Variants in LLGL1 observed in about 807,000 individuals in gnomAD.
LLGL1 encodes LLGL scribble cell polarity complex component 1.
Under a neutral mutation model 110.6 loss-of-function variants are expected in LLGL1, and 58 were observed. That is an observed-to-expected ratio of 0.52 (90% CI 0.42 to 0.65). The LOEUF is 0.65. Among genes scored for constraint, LLGL1 ranks in the 30% least tolerant of loss-of-function variants. The pLI is 0.00. For synonymous variants in LLGL1, 674 were observed against 607.2 expected (o/e 1.11, Z -1.62); for missense variants, 1,229 against 1,462.1 (o/e 0.84, Z 2.60).
chr17:18,237,669 T>C lies in LLGL1; in HGVS notation c.1800T>C (p.Ala600=), dbSNP rs2047726534. The part of the protein sequence containing the change: ...RVLVQCLPPA[A]VTAVTLHTEW... Reference sequence around the variant, plus strand: ...TGGTGCAGTGCCTGCCGCCAGCTGCTGTAACCGCTGTCACACTCCACACCG... The same window carrying C: ...TGGTGCAGTGCCTGCCGCCAGCTGCCGTAACCGCTGTCACACTCCACACCG... Residue 600 remains alanine (A), a synonymous_variant, in exon 14 of 23, where the codon GCT becomes GCC. Transcript: ENST00000316843. The C allele has an allele frequency of 2.5e-6, 4 of 1,612,544 alleles. No individual in the cohort carries two copies. Among genetic ancestry groups the C allele is most frequent in the Non-Finnish European group, 3.4e-6 (4 of 1,179,976 alleles).
Position 18,235,324 on chromosome 17 carries a change from G to A in LLGL1, c.1284+12G>A, listed in dbSNP as rs371458883. On this transcript the variant is annotated intron_variant, in intron 10 of 22. Transcript: ENST00000316843. ...TCTCCAGTGCCTTGGTGTGTGCGGC[G>A]ATCAGGGGGGTCTTACAGGGTGGAG... The A allele has an allele frequency of 1.8e-4, 290 of 1,609,134 alleles. No individual in the cohort carries two copies. The highest frequency in any genetic ancestry group is 2.3e-4 in the Non-Finnish European group (277 of 1,179,004).
In LLGL1 at chr17:18,242,823, G is replaced by T; in HGVS notation, c.*1+1G>T. 2 of 1,549,528 alleles carry T rather than the reference G, an allele frequency of 1.3e-6. No individual in the cohort carries two copies. Among genetic ancestry groups the T allele is most frequent in the South Asian group, 1.2e-5 (1 of 83,676 alleles). On this transcript the variant is annotated splice_donor_variant, in intron 22 of 22. Coordinates refer to ENST00000316843, the MANE Select transcript of LLGL1 (RefSeq NM_004140.4). LOFTEE classifies it low-confidence loss of function (3UTR_SPLICE). The stretch of plus-strand genomic sequence containing the variant: ...GCCTGTGCCATCCTGATCAAATGAG[G>T]TGCTGCAGGGGTGGGGCCCTGGTCC...
At chr17:18,234,580 G>A (rs1439166409) in intron 7 of LLGL1, 69 bp from the exon 8 acceptor site, 34 of 1,600,572 alleles carry the variant, frequency 2.1e-5, no homozygotes, top group Non-Finnish European at 2.9e-5. Flanking sequence ...GCAGTGGAGG[G>A]CAGAGCAGGA....
rs190942091 is a variant in LLGL1 at position 18,234,860 on chromosome 17, C to T, written c.927C>T (p.Ser309=). ...CESGGHFIIF[S]GGMPRASYGD... ...ATAGGGGCCACTTTATCATCTTCAGCGGTGGCATGCCCCGTGCCAGCTATG... is the reference window on the plus strand; with the variant it reads ...ATAGGGGCCACTTTATCATCTTCAGTGGTGGCATGCCCCGTGCCAGCTATG... Residue 309 remains serine, a synonymous_variant, in exon 9 of 23, where the codon AGC becomes AGT. Coordinates refer to ENST00000316843, the MANE Select transcript of LLGL1 (RefSeq NM_004140.4). 7.9e-5 allele frequency: 127 copies of T among 1,614,040 alleles called. 1 individual carries two copies. In the Admixed American group the frequency reaches 1.9e-3, roughly 24 times the overall value.
Position 18,240,585 on chromosome 17 carries a change from C to A in LLGL1, c.2214C>A (p.His738Gln), listed in dbSNP as rs745844805. Residue 738 changes from histidine (H) to glutamine (Q), a missense_variant, in exon 17 of 23, where the codon CAC (histidine) becomes CAA (glutamine). By Grantham distance (24) the His-to-Gln change is conservative. Coordinates refer to ENST00000316843, the MANE Select transcript of LLGL1 (RefSeq NM_004140.4). This position sits in a 1 kb window ranked among gnomAD's most constrained non-coding sequence, Gnocchi z 5.3. ...FADTFLRDGA[H>Q]HGPTMWAGTN... ...CGCGCTTGTTTTCTGCAGGGGCCCA[C>A]CACGGGCCCACCATGTGGGCTGGCA... 1 of 1,594,322 alleles carries A rather than the reference C, an allele frequency of 6.3e-7. No homozygotes were observed. The highest frequency in any genetic ancestry group is 1.1e-5 in the South Asian group (1 of 89,674).
rs545814032 is a variant in LLGL1, at chr17:18,240,313, C to T, written c.2207-265C>T. Among the ~76,000 whole-genome samples the T allele has an allele frequency of 1.3e-5, 2 of 152,134 alleles. No individual in the cohort carries two copies. Among genetic ancestry groups the T allele is most frequent in the African/African-American group, 4.8e-5 (2 of 41,472 alleles). On this transcript the variant is annotated intron_variant, in intron 16 of 22. Coordinates refer to ENST00000316843, the MANE Select transcript of LLGL1 (RefSeq NM_004140.4). The surrounding 1 kb of genome is among the most constrained non-coding windows in gnomAD (Gnocchi z 5.3). ...TGCCCATCAGCATTCTGTGCAGATG[C>T]GCTACAGCTGTTCGGGCCTCTGCAG...
rs756390485 is a variant in LLGL1 at position 18,240,630 on chromosome 17, C to T, written c.2259C>T (p.Phe753=). 76 of 1,611,800 alleles carry T rather than the reference C, an allele frequency of 4.7e-5. No homozygotes were observed. Among genetic ancestry groups the T allele is most frequent in the Middle Eastern group, 1.9e-4 (1 of 5,388 alleles). ...CTGGCACCAACTCAGGCTCTGTGTT[C>T]GCCTATGCACTGGAGGTGCCGGCAG... ...MWAGTNSGSV[F]AYALEVPAAA... is the part of the protein sequence containing the mutation. The change falls in exon 17 of 23, where the codon TTC becomes TTT. Residue 753 remains phenylalanine, a synonymous_variant. Coordinates refer to ENST00000316843, the MANE Select transcript of LLGL1 (RefSeq NM_004140.4). This position sits in a 1 kb window ranked among gnomAD's most constrained non-coding sequence, Gnocchi z 5.3.
intron 1 of LLGL1, among the ~76,000 whole-genome samples, chr17:18,226,037 G>T (rs1193672696): frequency 6.6e-6 from 1 of 152,106 alleles, no homozygotes; most frequent in Non-Finnish European, 1.5e-5. Flanking sequence ...TGTGTGTGTG[G>T]GGGTCTGTCT....
In LLGL1 at chr17:18,240,543, C is replaced by G; in HGVS notation, c.2207-35C>G. 6.5e-7 allele frequency: 1 copy of G among 1,547,710 alleles called. No individual in the cohort carries two copies. The highest frequency in any genetic ancestry group is 8.7e-7 in the Non-Finnish European group (1 of 1,144,390). Reference sequence around the variant, plus strand: ...GACCCCAGGGGAGATGCCTGGCCCACAGGGAGCACCCTCCTACGCGCTTGT... The same window carrying G: ...GACCCCAGGGGAGATGCCTGGCCCAGAGGGAGCACCCTCCTACGCGCTTGT... On this transcript the variant is annotated intron_variant, in intron 16 of 22. Coordinates refer to ENST00000316843, the MANE Select transcript of LLGL1 (RefSeq NM_004140.4). The surrounding 1 kb of genome is among the most constrained non-coding windows in gnomAD (Gnocchi z 5.3).
chr17:18,239,999 G>A (rs1228829247), intron 16 of LLGL1, among the ~76,000 whole-genome samples: 2 of 152,156 alleles, frequency 1.3e-5, no homozygotes, highest in Non-Finnish European at 1.5e-5. Context: ...TTGTCACCCA[G>A]AGGTTCAGTT....
intron 10 of LLGL1, 47 bp downstream of exon 10, chr17:18,235,359 G>A: frequency 6.2e-7 from 1 of 1,604,920 alleles, no homozygotes; most frequent in African/African-American, 1.3e-5. Context: ...GTCTTGAGGA[G>A]GGGGAGAGTT....
Position 18,238,529 on chromosome 17 carries a change from G to A in LLGL1, c.2126G>A (p.Arg709His), listed in dbSNP as rs766240619. ...GTGGAGATGACGCCCGTGCAGCGCC[G>A]CATTGAGCCCCGCTCTGCCGATGAC... is the stretch of plus-strand genomic sequence containing the variant. The part of the protein sequence containing the change: ...HDVEMTPVQR[R>H]IEPRSADDSL... Residue 709 changes from arginine (R) to histidine (H), a missense_variant, in exon 16 of 23, where the codon CGC (arginine) becomes CAC (histidine). Coordinates refer to ENST00000316843, the MANE Select transcript of LLGL1 (RefSeq NM_004140.4). The A allele has an allele frequency of 1.5e-5, 24 of 1,612,654 alleles. No homozygotes were observed. In the East Asian group the frequency reaches 2.9e-4, roughly 19 times the overall value.
At position 18,244,773 on chromosome 17, in the gene LLGL1, A is replaced by G. The variant is rs1430512158; in HGVS notation, c.*867A>G. 3 of 176,538 alleles carry G rather than the reference A, an allele frequency of 1.7e-5. No homozygotes were observed. Among genetic ancestry groups the G allele is most frequent in the Middle Eastern group, 2.3e-3 (1 of 442 alleles). 10.9% of individuals were successfully genotyped at this position (176,538 alleles called of 1,614,324 possible). On this transcript the variant is annotated 3_prime_UTR_variant, in exon 23 of 23. Transcript: ENST00000316843. ...CAAGATGAGTTTCCCTGTAGATTGT[A>G]CCTTGGGGTTTTTTTCTGTCGTTTT...
At position 18,236,915 on chromosome 17, in the gene LLGL1, G is replaced by C; in HGVS notation, c.1587G>C (p.Met529Ile). The C allele has an allele frequency of 6.2e-7, 1 of 1,613,452 alleles. No homozygotes were observed. Among genetic ancestry groups the C allele is most frequent in the Non-Finnish European group, 8.5e-7 (1 of 1,179,844 alleles). Residue 529 changes from methionine (M) to isoleucine (I), a missense_variant, in exon 13 of 23, where the codon ATG becomes ATC. Met to Ile is a conservative substitution (Grantham distance 10). Transcript: ENST00000316843. ...CTCTCTGCAAGTATACAGCCCAGAT[G>C]GTGGTGGCTGGCACTGCAGGCCAGG... is the stretch of plus-strand genomic sequence containing the variant. The part of the protein sequence containing the change: ...KVALCKYTAQ[M>I]VVAGTAGQVL...
At chr17:18,235,041 C>G (rs759430642) in intron 9 of LLGL1, 48 bp downstream of exon 9, 4 of 1,613,782 alleles carry the variant, frequency 2.5e-6, no homozygotes, top group East Asian at 4.5e-5. Context: ...ACCTGGTGCC[C>G]TCTGCCACCT....
chr17:18,234,983 G>A lies in LLGL1; in HGVS notation c.1050G>A (p.Arg350=), dbSNP rs1171445628. 14 of 1,613,728 alleles carry A rather than the reference G, an allele frequency of 8.7e-6. No individual in the cohort carries two copies. Among genetic ancestry groups the A allele is most frequent in the East Asian group, 2.2e-5 (1 of 44,892 alleles). Residue 350 remains arginine (R), a synonymous_variant, in exon 9 of 23, where the codon CGG becomes CGA. Transcript: ENST00000316843. ...IIDFFTVHST[R]PEDEFDDPQA... ...ACTTCTTCACAGTGCACAGCACACG[G>A]CCCGAGGATGGTGCGTGCCCTGCCG...
In LLGL1 at chr17:18,244,863, A is replaced by G; in HGVS notation, c.*957A>G. 4.9e-6 allele frequency: 2 copies of G among 404,270 alleles called. No individual in the cohort carries two copies. Among genetic ancestry groups the G allele is most frequent in the Non-Finnish European group, 8.7e-6 (2 of 229,174 alleles). 25.0% of individuals were successfully genotyped at this position (404,270 alleles called of 1,614,324 possible). A position where few individuals can be genotyped will look rare whatever the true frequency, so the allele number is the denominator to read the frequency against. ...TTTAATATTGAAAATAAAAGCATTT[A>G]ATATCTCTTAAAGGGCATCCACATC... is the stretch of plus-strand genomic sequence containing the variant. On this transcript the variant is annotated 3_prime_UTR_variant, in exon 23 of 23. Coordinates refer to ENST00000316843, the MANE Select transcript of LLGL1 (RefSeq NM_004140.4).
chr17:18,227,495 C>G (rs891880749), intron 1 of LLGL1, among the ~76,000 whole-genome samples: 1 of 152,006 alleles, frequency 6.6e-6, no homozygotes, highest in Non-Finnish European at 1.5e-5. Context: ...CTCAGGTGAT[C>G]CTCCCATCTC....
At chr17:18,232,360 CA>C in intron 2 of LLGL1, 134 bp from the exon 3 acceptor site, 2 of 715,532 alleles carry the variant, frequency 2.8e-6, no homozygotes, top group Non-Finnish European at 4.6e-6. Context: ...CTCCGTTCTT[CA>C]GGGAGGACTC....
Sources: gnomAD v4.1 joint callset for allele counts (sites outside exome capture counted in the v4.1 genomes callset) on GRCh38, gnomAD v4.1.1 for gene constraint, Gnocchi (gnomAD v3.1) non-coding constraint, MANE v1.5 for transcripts, NCBI Gene and HGNC (gene_info 2026-07-23, HGNC 2026-07-21) for gene names.